Variants in ATRX observed in about 807,000 individuals in gnomAD.
The protein encoded by ATRX is chromatin remodeler ATRX.
In ATRX, 12 loss-of-function variants were observed where a neutral mutation model predicts 172.6. That is an observed-to-expected ratio of 0.07 (90% CI 0.04 to 0.11). ATRX has a LOEUF of 0.11. Ranked by LOEUF, ATRX falls within the 10% of genes least tolerant of loss-of-function variation. The probability of loss-of-function intolerance (pLI) is 1.00; values close to 1 mark genes in which losing one functional copy is unlikely to be tolerated. For synonymous variants in ATRX, 674 were observed against 594.7 expected, an observed-to-expected ratio of 1.13 and a Z score of -1.94; for missense variants, 1,368 against 1,767.4, an observed-to-expected ratio of 0.77 and a Z score of 4.05.
intron 1 of ATRX, among the ~76,000 whole-genome samples, chrX:77,755,288 A>G (rs782540824): frequency 8.9e-6 from 1 of 111,958 alleles, no homozygotes; most frequent in South Asian, 3.7e-4. Context: ...ATGCTCCTTT[A>G]GCTCAGAGGA....
chrX:77,515,140 C>T (rs1160315002), intron 34 of ATRX, among the ~76,000 whole-genome samples: 1 of 111,750 alleles, frequency 8.9e-6, no homozygotes, highest in Non-Finnish European at 1.9e-5. Context: ...AATGCTTATA[C>T]ACTGCTGGTG....
chrX:77,567,862 T>C (rs1330642135), intron 28 of ATRX, among the ~76,000 whole-genome samples: 2 of 110,826 alleles, frequency 1.8e-5, no homozygotes, highest in Non-Finnish European at 3.8e-5. Context: ...CTGAACATAA[T>C]TGAACTAGAA....
intron 1 of ATRX, among the ~76,000 whole-genome samples, chrX:77,772,567 C>G (rs1196778025): frequency 1.9e-5 from 2 of 107,793 alleles, no homozygotes; most frequent in African/African-American, 6.8e-5. Flanking sequence ...ACCTCTGCCC[C>G]CTGGGTTCAA....
intron 1 of ATRX, among the ~76,000 whole-genome samples, chrX:77,761,023 C>A (rs1290988182): frequency 1.8e-5 from 2 of 111,683 alleles, no homozygotes; most frequent in Non-Finnish European, 3.8e-5. Flanking sequence ...GTTTATTCAA[C>A]AAGCATTTAC....
At chrX:77,554,379 T>C (rs2064689521) in intron 30 of ATRX, among the ~76,000 whole-genome samples, 1 of 111,916 alleles carries the variant, frequency 8.9e-6, no homozygotes, top group African/African-American at 3.3e-5. Context: ...TACCATTTAT[T>C]TTCATGAAAT....
intron 28 of ATRX, among the ~76,000 whole-genome samples, chrX:77,563,693 G>A (rs1159589220): frequency 3.7e-5 from 3 of 81,241 alleles, no homozygotes; most frequent in African/African-American, 1.2e-4. Context: ...AAGAACTTGT[G>A]TGTACATGCG....
intron 22 of ATRX, among the ~76,000 whole-genome samples, chrX:77,610,744 C>A (rs1021919075): frequency 1.8e-5 from 2 of 108,913 alleles, no homozygotes; most frequent in African/African-American, 6.7e-5. Flanking sequence ...TATTAACACA[C>A]AATATTCTAT....
chrX:77,689,555 T>C (rs1166389188), intron 6 of ATRX, among the ~76,000 whole-genome samples: 3 of 112,307 alleles, frequency 2.7e-5, no homozygotes, highest in African/African-American at 9.7e-5. Context: ...AAACAAGACA[T>C]TGCAGGTATA....
intron 21 of ATRX, 94 bp downstream of exon 21, chrX:77,618,712 A>G: frequency 3.2e-6 from 3 of 927,479 alleles, no homozygotes; most frequent in South Asian, 2.1e-5. Context: ...CGGGAAAGAA[A>G]ACACAAAATT....
chrX:77,621,544 T>C (rs2067582855), intron 19 of ATRX, among the ~76,000 whole-genome samples: 1 of 112,243 alleles, frequency 8.9e-6, no homozygotes, highest in Non-Finnish European at 1.9e-5. Flanking sequence ...ACTCCTGACC[T>C]CAAGTGATCT....
At chrX:77,644,638 G>A (rs1166560537) in intron 15 of ATRX, among the ~76,000 whole-genome samples, 3 of 109,124 alleles carry the variant, frequency 2.7e-5, no homozygotes, top group Non-Finnish European at 5.7e-5. Context: ...AAAAGAGGAT[G>A]AATAGCAGAT....
intron 30 of ATRX, 36 bp from the exon 31 acceptor site, chrX:77,523,437 T>G (rs2063292162): frequency 1.7e-6 from 2 of 1,179,238 alleles, no homozygotes; most frequent in Non-Finnish European, 2.3e-6. Flanking sequence ...ACAATTATTT[T>G]TCCCCTCTGG....
intron 19 of ATRX, among the ~76,000 whole-genome samples, chrX:77,631,715 G>A (rs1324084150): frequency 8.9e-6 from 1 of 111,903 alleles, no homozygotes; most frequent in African/African-American, 3.2e-5. Context: ...ATGAGATAAT[G>A]AAAAAATAAA....
At chrX:77,752,089 C>G (rs2075324221) in intron 1 of ATRX, among the ~76,000 whole-genome samples, 3 of 111,684 alleles carry the variant, frequency 2.7e-5, no homozygotes, top group Non-Finnish European at 5.6e-5. Flanking sequence ...TGGCCATTTT[C>G]ACGATATTGA....
At chrX:77,772,530 G>C (rs1396595605) in intron 1 of ATRX, among the ~76,000 whole-genome samples, 5 of 106,216 alleles carry the variant, frequency 4.7e-5, no homozygotes, top group Admixed American at 4.1e-4. Context: ...AGGCTGGCGG[G>C]CAGTGGCGCC....
chrX:77,663,284 C>T, intron 12 of ATRX, 98 bp downstream of exon 12: 2 of 990,690 alleles, frequency 2.0e-6, no homozygotes, highest in Non-Finnish European at 2.9e-6. Context: ...TGGGCTCAAG[C>T]AATCTGCCCA....
intron 22 of ATRX, among the ~76,000 whole-genome samples, chrX:77,609,345 A>T: frequency 8.9e-6 from 1 of 112,477 alleles, no homozygotes; most frequent in Middle Eastern, 4.6e-3. Flanking sequence ...GTTTATCAAC[A>T]GATGAATGAA....
At chrX:77,582,073 T>C (rs112542079) in intron 27 of ATRX, among the ~76,000 whole-genome samples, 59,631 of 109,741 alleles carry the variant, frequency 0.54, 13,262 homozygotes, top group Non-Finnish European at 0.69. Context: ...ATCAAAAAAG[T>C]AGAAAAACTG....
At chrX:77,572,599 C>T (rs782297827) in intron 28 of ATRX, among the ~76,000 whole-genome samples, 24 of 111,113 alleles carry the variant, frequency 2.2e-4, no homozygotes, top group African/African-American at 7.8e-4. Flanking sequence ...AGATTATATG[C>T]CTCTGTCGTA....
Sources: allele counts gnomAD v4.1 joint callset (sites outside exome capture counted in the v4.1 genomes callset), GRCh38; gene constraint gnomAD v4.1.1; transcripts MANE v1.5; gene names NCBI Gene and HGNC (gene_info 2026-07-23, HGNC 2026-07-21).